MROH7: variants seen among roughly 807,000 people sequenced by gnomAD.
MROH7 encodes maestro heat-like repeat-containing protein family member 7.
In MROH7, 113 loss-of-function variants were observed where a neutral mutation model predicts 129.2. The ratio of observed to expected loss-of-function variants is 0.87; its 90% CI spans 0.75 to 1.02. The LOEUF (loss-of-function observed/expected upper bound fraction) is 1.02. Among genes scored for constraint, MROH7 ranks in the 50% least tolerant of loss-of-function variants. The probability of loss-of-function intolerance (pLI) is 0.00; values close to 1 mark genes in which losing one functional copy is unlikely to be tolerated. For missense variants in MROH7, 1,601 were observed against 1,671.3 expected (o/e 0.96, Z 0.73); for synonymous variants, 655 against 667.9 (o/e 0.98, Z 0.30).
chr1:54,673,297 T>G, intron 8 of MROH7, 111 bp downstream of exon 8: 1 of 766,984 alleles, frequency 1.3e-6, no homozygotes, highest in Non-Finnish European at 2.2e-6. Flanking sequence ...CTTCAGGATG[T>G]CATCTTGTGT....
At position 54,666,019 on chromosome 1, in the gene MROH7, T is replaced by C. The variant is rs116625606; in HGVS notation, c.1305+779T>C. ...TGCCACACTGGCCTTTTTCTGTTTC[T>C]CACACACGCCAAACTCATTCCTGCC... is the stretch of plus-strand genomic sequence containing the variant. On this transcript the variant is annotated intron_variant, in intron 4 of 23. Coordinates refer to ENST00000421030, the MANE Select transcript of MROH7 (RefSeq NM_001039464.4). 4.6e-3 allele frequency among the ~76,000 whole-genome samples: 701 copies of C among 152,366 alleles called. 6 individuals carry two copies. Among genetic ancestry groups the C allele is most frequent in the African/African-American group, 0.016 (674 of 41,594 alleles).
intron 21 of MROH7, among the ~76,000 whole-genome samples, chr1:54,705,864 CAGCTCCTTAGCTGGACA>C (rs1451904970): frequency 6.6e-6 from 1 of 152,214 alleles, no homozygotes; most frequent in Non-Finnish European, 1.5e-5. Flanking sequence ...TCTCCCTCAA[CAGCTCCTTAGCTGGACA>C]AGCTCCTTAG....
intron 17 of MROH7, chr1:54,695,924 G>A (rs1255720504): frequency 6.6e-6 from 2 of 301,402 alleles, no homozygotes; most frequent in Admixed American, 9.7e-5. Flanking sequence ...GAGGGAGGGA[G>A]GCATCAGGGA....
At chr1:54,645,600 C>T (rs1644452382) in intron 1 of MROH7, among the ~76,000 whole-genome samples, 1 of 150,812 alleles carries the variant, frequency 6.6e-6, no homozygotes, top group South Asian at 2.1e-4. Flanking sequence ...AGGTTCTGGC[C>T]TACTTTTGTG....
intron 17 of MROH7, 125 bp downstream of exon 17, chr1:54,695,615 T>C (rs2101187175): frequency 1.4e-6 from 1 of 727,388 alleles, no homozygotes; most frequent in Non-Finnish European, 2.5e-6. Flanking sequence ...GCATGACTTC[T>C]CTTGACTATG....
chr1:54,646,960 A>G (rs1702016), intron 1 of MROH7, among the ~76,000 whole-genome samples: 104,669 of 152,066 alleles, frequency 0.69, 36,341 homozygotes, highest in African/African-American at 0.73. Flanking sequence ...TCCATGTTTC[A>G]CATGCATGAG....
intron 1 of MROH7, among the ~76,000 whole-genome samples, chr1:54,648,388 G>C (rs537538302): frequency 8.2e-6 from 1 of 122,360 alleles, no homozygotes; most frequent in African/African-American, 3.3e-5. Context: ...TTTTTGAGAC[G>C]GAGTTTCGCT....
Position 54,709,990 on chromosome 1 carries a change from T to C in MROH7, c.3775T>C (p.Tyr1259His), listed in dbSNP as rs183037308. ...TGACCCAGAAGCATCAGTGTGCATC[T>C]ACGCAGCCCAGGTCCAGGACCACAT... ...RHDPEASVCI[Y>H]AAQVQDHILA... Residue 1259 changes from tyrosine to histidine, a missense_variant, in exon 24 of 24, where the codon TAC (tyrosine) becomes CAC (histidine). Coordinates refer to ENST00000421030, the MANE Select transcript of MROH7 (RefSeq NM_001039464.4). 18 of 1,614,116 alleles carry C rather than the reference T, an allele frequency of 1.1e-5. No individual in the cohort carries two copies. The East Asian group carries it at 3.8e-4, about 34-fold the overall frequency.
rs1379637571 is a variant in MROH7 at position 54,691,802 on chromosome 1, A to AG, written c.2712-622_2712-621insG. Among the ~76,000 whole-genome samples, 118 of 90,774 alleles carry AG rather than the reference A, an allele frequency of 1.3e-3. No homozygotes were observed. In the East Asian group the frequency reaches 0.02, roughly 15 times the overall value. 59.6% of individuals were successfully genotyped at this position (90,774 alleles called of 152,430 possible). On this transcript the variant is annotated intron_variant, in intron 15 of 23. Transcript: ENST00000421030. The stretch of plus-strand genomic sequence containing the variant: ...GCCTGGCGACAAAAAAAAAAAAAAA[A>AG]AGTGTGTGTGTGTGTGTGTGTGTGT...
chr1:54,682,906 T>A, intron 14 of MROH7, 112 bp downstream of exon 14: 1 of 1,233,074 alleles, frequency 8.1e-7, no homozygotes, highest in Non-Finnish European at 1.1e-6. Flanking sequence ...TGCCAGTAAC[T>A]AGTTGTGTGG....
intron 17 of MROH7, among the ~76,000 whole-genome samples, chr1:54,696,241 C>A (rs1042360699): frequency 2.0e-5 from 3 of 152,236 alleles, no homozygotes; most frequent in Non-Finnish European, 4.4e-5. Flanking sequence ...TTGTAAGTGG[C>A]AGATCCAGGA....
chr1:54,677,771 T>G (rs1645004933), intron 10 of MROH7, among the ~76,000 whole-genome samples: 1 of 152,170 alleles, frequency 6.6e-6, no homozygotes, highest in South Asian at 2.1e-4. Flanking sequence ...TCCCTTCAGC[T>G]GAAAATATGA....
chr1:54,697,732 G>A (rs1169654184), intron 17 of MROH7: 2 of 700,946 alleles, frequency 2.9e-6, no homozygotes. Flanking sequence ...AGCTCAGAGA[G>A]TCCAGAGAGA....
At position 54,670,864 on chromosome 1, in the gene MROH7, G is replaced by C. The variant is rs113626408; in HGVS notation, c.1534G>C (p.Val512Leu). 1.9e-6 allele frequency: 3 copies of C among 1,613,678 alleles called. No homozygotes were observed. The South Asian group carries it at 3.3e-5, about 18-fold the overall frequency. The change falls in exon 7 of 24, where the codon GTG becomes CTG. Residue 512 changes from valine to leucine, a missense_variant. Coordinates refer to ENST00000421030, the MANE Select transcript of MROH7 (RefSeq NM_001039464.4). Reference protein sequence around the residue: ...SELVNVCVHSVFSLPSVQAMQ... With the variant: ...SELVNVCVHSLFSLPSVQAMQ... ...GCTGGTGAACGTGTGTGTGCACAGCGTGTTCTCCCTGCCCTCCGTGCAGGC... is the reference window on the plus strand; with the variant it reads ...GCTGGTGAACGTGTGTGTGCACAGCCTGTTCTCCCTGCCCTCCGTGCAGGC...
intron 17 of MROH7, chr1:54,697,828 G>T: frequency 3.6e-6 from 2 of 556,370 alleles, no homozygotes; most frequent in South Asian, 5.0e-5. Flanking sequence ...TCTACCACAT[G>T]GGTTCTTGCA....
At position 54,679,938 on chromosome 1, in the gene MROH7, G is replaced by A. The variant is rs1645042636; in HGVS notation, c.2274G>A (p.Gln758=). The A allele has an allele frequency of 6.2e-7, 1 of 1,613,632 alleles. No homozygotes were observed. Among genetic ancestry groups the A allele is most frequent in the African/African-American group, 1.3e-5 (1 of 74,918 alleles). ...TCTACATGCAGCTGAGCCACATCCA[G>A]GAGCCTCGGGCCCGCCAGGTGGCCC... ...QGIYMQLSHI[Q]EPRARQVALL... is the part of the protein sequence containing the mutation. The change falls in exon 13 of 24, where the codon CAG becomes CAA. Residue 758 remains glutamine, a synonymous_variant. Coordinates refer to ENST00000421030, the MANE Select transcript of MROH7 (RefSeq NM_001039464.4).
At chr1:54,691,889 C>A (rs1328459138) in intron 15 of MROH7, among the ~76,000 whole-genome samples, 1 of 148,024 alleles carries the variant, frequency 6.8e-6, no homozygotes, top group African/African-American at 2.5e-5. Context: ...TCCCCCCCAC[C>A]CCCCATGTAT....
At chr1:54,664,454 G>T (rs1644780972) in intron 3 of MROH7, among the ~76,000 whole-genome samples, 1 of 152,232 alleles carries the variant, frequency 6.6e-6, no homozygotes, top group Non-Finnish European at 1.5e-5. Flanking sequence ...GGGCAAGGAG[G>T]TATGGCGAGC....
intron 3 of MROH7, among the ~76,000 whole-genome samples, chr1:54,656,509 C>CAAAAAAAA (rs33918860): frequency 1.2e-5 from 1 of 80,590 alleles, no homozygotes; most frequent in African/African-American, 4.9e-5. Context: ...GACTCCATCT[C>CAAAAAAAA]AAAAAAAAAA....
Sources: gnomAD v4.1 joint callset for allele counts (sites outside exome capture counted in the v4.1 genomes callset) on GRCh38, gnomAD v4.1.1 for gene constraint, MANE v1.5 for transcripts, NCBI Gene and HGNC (gene_info 2026-07-23, HGNC 2026-07-21) for gene names.